TTC28: variants seen among roughly 807,000 people sequenced by gnomAD.
TTC28 encodes tetratricopeptide repeat protein 28.
In TTC28, 61 loss-of-function variants were observed where a neutral mutation model predicts 198.0. The ratio of observed to expected loss-of-function variants is 0.31; its 90% CI spans 0.25 to 0.38. The LOEUF (loss-of-function observed/expected upper bound fraction) is 0.38. TTC28 is among the 10% of genes least tolerant of loss of function. The pLI is 1.00. For missense variants in TTC28, 2,678 were observed against 3,164.0 expected (o/e 0.85, Z 3.69); for synonymous variants, 1,171 against 1,297.8 (o/e 0.90, Z 2.10).
At chr22:28,244,949 C>T (rs1303890798) in intron 5 of TTC28, among the ~76,000 whole-genome samples, 5 of 152,102 alleles carry the variant, frequency 3.3e-5, no homozygotes, top group African/African-American at 9.7e-5. Context: ...CTGCAAGTGC[C>T]CAGCCTTCAT....
chr22:28,328,349 G>A (rs1451062586), intron 2 of TTC28, among the ~76,000 whole-genome samples: 1 of 152,114 alleles, frequency 6.6e-6, no homozygotes, highest in Non-Finnish European at 1.5e-5. Flanking sequence ...GGATGAGGCA[G>A]GAGAATCGCT....
chr22:28,106,509 T>C (rs977866744), intron 7 of TTC28, among the ~76,000 whole-genome samples: 3 of 152,116 alleles, frequency 2.0e-5, no homozygotes, highest in African/African-American at 4.8e-5. Flanking sequence ...TATAGAGTAA[T>C]ACAAAACTGT....
At chr22:28,447,663 G>C (rs892707437) in intron 2 of TTC28, among the ~76,000 whole-genome samples, 1 of 152,140 alleles carries the variant, frequency 6.6e-6, no homozygotes, top group African/African-American at 2.4e-5. Context: ...GATGTTGCTG[G>C]ACTTAATAAA....
intron 12 of TTC28, among the ~76,000 whole-genome samples, chr22:28,070,738 T>C (rs1940934482): frequency 1.3e-5 from 2 of 152,198 alleles, no homozygotes. Context: ...TTGTGTGTCA[T>C]TCAGTCTTTC....
At chr22:28,154,330 T>TTTTTC (rs1259630214) in intron 6 of TTC28, among the ~76,000 whole-genome samples, 1 of 140,650 alleles carries the variant, frequency 7.1e-6, no homozygotes, top group South Asian at 2.2e-4. Flanking sequence ...CATTTTTTTT[T>TTTTTC]TTTTCTTTTC....
At chr22:28,159,381 C>T (rs146196417) in intron 6 of TTC28, among the ~76,000 whole-genome samples, 10 of 152,266 alleles carry the variant, frequency 6.6e-5, no homozygotes, top group Admixed American at 3.9e-4. Flanking sequence ...ACCGGCCGGG[C>T]ATGGTGGCTC....
At chr22:28,467,853 C>T (rs914761442) in intron 2 of TTC28, among the ~76,000 whole-genome samples, 1 of 152,126 alleles carries the variant, frequency 6.6e-6, no homozygotes, top group Non-Finnish European at 1.5e-5. Context: ...CCTCTACCTC[C>T]GGGGCTCAAG....
chr22:28,163,734 A>G (rs200617320), intron 5 of TTC28, 135 bp from the exon 6 acceptor site: 1 of 986,806 alleles, frequency 1.0e-6, no homozygotes. Flanking sequence ...AGCGTGAGTG[A>G]CGCAGAAGAC....
chr22:28,009,004 C>A (rs1264167204), intron 14 of TTC28, among the ~76,000 whole-genome samples: 1 of 152,200 alleles, frequency 6.6e-6, no homozygotes. Context: ...CAAACAGGTC[C>A]CAGTAGTCCC....
At chr22:28,601,872 T>C (rs2050645440) in intron 2 of TTC28, among the ~76,000 whole-genome samples, 1 of 152,038 alleles carries the variant, frequency 6.6e-6, no homozygotes, top group Non-Finnish European at 1.5e-5. Flanking sequence ...GACTGTTATA[T>C]GTGAAATTAT....
At chr22:28,115,309 C>T (rs1942600635) in intron 6 of TTC28, among the ~76,000 whole-genome samples, 1 of 152,202 alleles carries the variant, frequency 6.6e-6, no homozygotes, top group African/African-American at 2.4e-5. Context: ...TACAGGCACA[C>T]ACCACCATAC....
intron 2 of TTC28, among the ~76,000 whole-genome samples, chr22:28,530,283 T>C (rs918647452): frequency 4.6e-5 from 7 of 152,016 alleles, no homozygotes. Context: ...CAGCAGCCGA[T>C]TCGATCAAGT....
intron 14 of TTC28, among the ~76,000 whole-genome samples, chr22:28,003,897 C>G (rs375494397): frequency 6.6e-6 from 1 of 152,186 alleles, no homozygotes. Flanking sequence ...AGCTGGGCCT[C>G]GACTTTCCCA....
chr22:28,109,079 A>G (rs1942409131), intron 6 of TTC28, among the ~76,000 whole-genome samples: 1 of 152,242 alleles, frequency 6.6e-6, no homozygotes, highest in Admixed American at 6.5e-5. Context: ...TGACCCAGCA[A>G]TCTTACTCGA....
chr22:28,590,034 CAA>C (rs71194779), intron 2 of TTC28, among the ~76,000 whole-genome samples: 53 of 68,020 alleles, frequency 7.8e-4, no homozygotes, highest in African/African-American at 2.8e-3. Flanking sequence ...AAGACTCCAT[CAA>C]AAAAAAAAAA....
intron 2 of TTC28, among the ~76,000 whole-genome samples, chr22:28,559,173 TAG>T (rs2049831969): frequency 6.6e-6 from 1 of 152,224 alleles, no homozygotes; most frequent in South Asian, 2.1e-4. Flanking sequence ...TGCATGCCCC[TAG>T]ATATCTTTAT....
chr22:28,124,387 G>GCT (rs1242396898), intron 6 of TTC28, among the ~76,000 whole-genome samples: 1 of 152,070 alleles, frequency 6.6e-6, no homozygotes, highest in Non-Finnish European at 1.5e-5. Context: ...TATATATAGT[G>GCT]CTCAGCTCAA....
At chr22:27,996,458 GAATC>G in intron 16 of TTC28, 199 bp from the exon 17 acceptor site, 1 of 726,554 alleles carries the variant, frequency 1.4e-6, no homozygotes, top group African/African-American at 1.8e-5. Context: ...TTCCTTTTAA[GAATC>G]AATATTGTTC....
chr22:28,533,612 A>C (rs2049196653), intron 2 of TTC28, among the ~76,000 whole-genome samples: 2 of 152,220 alleles, frequency 1.3e-5, no homozygotes, highest in African/African-American at 4.8e-5. Flanking sequence ...GACAATCCTA[A>C]GCCAAAAGAA....
Sources: allele counts gnomAD v4.1 joint callset (sites outside exome capture counted in the v4.1 genomes callset), GRCh38; gene constraint gnomAD v4.1.1; transcripts MANE v1.5; gene names NCBI Gene and HGNC (gene_info 2026-07-23, HGNC 2026-07-21).